Variants in ANKS1B observed in about 807,000 individuals in gnomAD.
ANKS1B encodes ankyrin repeat and sterile alpha motif domain containing 1B, also known as ankyrin repeat and sterile alpha motif domain-containing protein 1B.
In ANKS1B, 36 loss-of-function variants were observed where a neutral mutation model predicts 148.3. The ratio of observed to expected loss-of-function variants is 0.24; its 90% CI spans 0.19 to 0.32. The LOEUF (loss-of-function observed/expected upper bound fraction) is 0.32, where lower values mean the gene tolerates loss of function less well. Among genes scored for constraint, ANKS1B ranks in the 10% least tolerant of loss-of-function variants. The pLI, the probability that ANKS1B is intolerant of heterozygous loss-of-function variation, is 1.00. For synonymous variants in ANKS1B, 542 were observed against 560.8 expected, an observed-to-expected ratio of 0.97 and a Z score of 0.47; for missense variants, 1,157 against 1,542.6, an observed-to-expected ratio of 0.75 and a Z score of 4.19.
At chr12:99,438,281 T>C (rs1190151394) in intron 11 of ANKS1B, among the ~76,000 whole-genome samples, 1 of 151,902 alleles carries the variant, frequency 6.6e-6, no homozygotes, top group Non-Finnish European at 1.5e-5. Context: ...AATATAATTA[T>C]CCTCCTTTAG....
chr12:98,899,920 C>T (rs1242343526), intron 17 of ANKS1B, among the ~76,000 whole-genome samples: 3 of 152,174 alleles, frequency 2.0e-5, no homozygotes, highest in Non-Finnish European at 4.4e-5. Flanking sequence ...TAGATAGATA[C>T]TTATTGTCTC....
rs753805758 is a variant in ANKS1B, at chr12:99,002,553, A to G, written c.2778+50604T>C. ...GCCATCCTAATAGATGTGAGGTGAT[A>G]TCTCATTGTGGTTTTGATTTACAGT... On this transcript the variant is annotated intron_variant, in intron 17 of 26. Coordinates refer to ENST00000683438, the MANE Select transcript of ANKS1B (RefSeq NM_001352186.2). 1.3e-4 allele frequency among the ~76,000 whole-genome samples: 19 copies of G among 150,480 alleles called. 1 individual carries two copies. Among genetic ancestry groups the G allele is most frequent in the Non-Finnish European group, 2.8e-4 (19 of 67,874 alleles).
chr12:98,858,636 A>G (rs2099583869), intron 17 of ANKS1B, among the ~76,000 whole-genome samples: 1 of 152,186 alleles, frequency 6.6e-6, no homozygotes, highest in Admixed American at 6.5e-5. Flanking sequence ...CACCATGCCC[A>G]GTCTCAAGAG....
chr12:99,517,113 T>C (rs1011555137), intron 9 of ANKS1B, among the ~76,000 whole-genome samples: 2 of 152,156 alleles, frequency 1.3e-5, no homozygotes, highest in African/African-American at 4.8e-5. Flanking sequence ...GTAGTATGGA[T>C]ATTTCAACAA....
chr12:99,674,451 G>A (rs1193260449), intron 8 of ANKS1B, among the ~76,000 whole-genome samples: 1 of 151,750 alleles, frequency 6.6e-6, no homozygotes, highest in Non-Finnish European at 1.5e-5. Flanking sequence ...AGAAAGAAGA[G>A]AAGAGCTAAG....
At chr12:99,752,681 C>T (rs1194408032) in intron 8 of ANKS1B, among the ~76,000 whole-genome samples, 2 of 151,672 alleles carry the variant, frequency 1.3e-5, no homozygotes, top group African/African-American at 2.4e-5. Context: ...TTTATTATTG[C>T]AGTACCCCTT....
intron 15 of ANKS1B, among the ~76,000 whole-genome samples, chr12:99,130,173 C>T (rs887613444): frequency 6.6e-6 from 1 of 152,164 alleles, no homozygotes; most frequent in African/African-American, 2.4e-5. Context: ...CTGATGGTTG[C>T]CATTTGCTTA....
At chr12:99,067,148 G>T (rs2044628248) in intron 16 of ANKS1B, among the ~76,000 whole-genome samples, 1 of 152,178 alleles carries the variant, frequency 6.6e-6, no homozygotes, top group African/African-American at 2.4e-5. Flanking sequence ...AACATTTTTG[G>T]ACATTGAGAA....
At chr12:99,973,104 G>A (rs973094795) in intron 1 of ANKS1B, among the ~76,000 whole-genome samples, 5 of 152,226 alleles carry the variant, frequency 3.3e-5, no homozygotes, top group African/African-American at 1.2e-4. Flanking sequence ...CAGTGCACTA[G>A]TCACACAAGA....
chr12:99,712,059 C>A (rs1390167496), intron 8 of ANKS1B, among the ~76,000 whole-genome samples: 1 of 152,160 alleles, frequency 6.6e-6, no homozygotes, highest in Non-Finnish European at 1.5e-5. Context: ...ATGGCTGGAG[C>A]TGGAGGCCAT....
At chr12:98,790,465 A>AT (rs1402447816) in intron 22 of ANKS1B, among the ~76,000 whole-genome samples, 5 of 152,120 alleles carry the variant, frequency 3.3e-5, no homozygotes, top group African/African-American at 1.2e-4. Context: ...ACATCAACAG[A>AT]TTTTAGCTAT....
At chr12:98,762,524 C>A (rs1290182445) in intron 25 of ANKS1B, among the ~76,000 whole-genome samples, 1 of 152,198 alleles carries the variant, frequency 6.6e-6, no homozygotes, top group Non-Finnish European at 1.5e-5. Flanking sequence ...GCAATCACCC[C>A]TAAATGCTAT....
intron 9 of ANKS1B, among the ~76,000 whole-genome samples, chr12:99,644,399 T>G (rs2098339512): frequency 6.6e-6 from 1 of 152,238 alleles, no homozygotes; most frequent in South Asian, 2.1e-4. Flanking sequence ...CTCACAGTAG[T>G]GACTTTAACA....
At chr12:99,252,663 C>T (rs2074759543) in intron 12 of ANKS1B, among the ~76,000 whole-genome samples, 1 of 152,110 alleles carries the variant, frequency 6.6e-6, no homozygotes, top group South Asian at 2.1e-4. Context: ...CCAGAAATTG[C>T]CATCAGATAC....
At chr12:98,870,939 T>C (rs1241975386) in intron 17 of ANKS1B, among the ~76,000 whole-genome samples, 1 of 152,268 alleles carries the variant, frequency 6.6e-6, no homozygotes. Flanking sequence ...GTCATTCCTC[T>C]GATTATTCAG....
chr12:99,830,631 G>T (rs1367704697), intron 1 of ANKS1B, among the ~76,000 whole-genome samples: 1 of 98,818 alleles, frequency 1.0e-5, no homozygotes. Context: ...GCTGACATCT[G>T]AAAGAAGCAA....
chr12:99,975,526 G>A (rs2095615773), intron 1 of ANKS1B, among the ~76,000 whole-genome samples: 1 of 152,200 alleles, frequency 6.6e-6, no homozygotes, highest in Admixed American at 6.5e-5. Flanking sequence ...ACTAGTGTGA[G>A]ATGCTATCTC....
chr12:98,745,295 G>A lies in ANKS1B; in HGVS notation c.*444C>T. 1 of 985,354 alleles carries A rather than the reference G, an allele frequency of 1.0e-6. No homozygotes were observed. The highest frequency in any genetic ancestry group is 4.7e-5 in the South Asian group (1 of 21,264). The allele number at this position is 985,354 out of a possible 1,614,324, so 61.0% of individuals were successfully genotyped here. A position where few individuals can be genotyped will look rare whatever the true frequency, so the allele number is the denominator to read the frequency against. ...TTTACAGATGCTTTGGAGGTGGGAG[G>A]GGTAGTGCTGCTCTGATTTCACCTT... On this transcript the variant is annotated 3_prime_UTR_variant, in exon 27 of 27. Coordinates refer to ENST00000683438, the MANE Select transcript of ANKS1B (RefSeq NM_001352186.2).
rs373471540 is a variant in ANKS1B at position 99,972,417 on chromosome 12, C to T, written c.134+11687G>A. ...GTGAACACATGAATGATAAGAAAGC[C>T]GAAGAGCCTTATTGCTGATATGGAG... On this transcript the variant is annotated intron_variant, in intron 1 of 26. Transcript: ENST00000683438. Among the ~76,000 whole-genome samples, 9 of 152,184 alleles carry T rather than the reference C, an allele frequency of 5.9e-5. No individual in the cohort carries two copies. The South Asian group carries it at 8.3e-4, about 14-fold the overall frequency.
Sources: gnomAD v4.1 joint callset for allele counts (sites outside exome capture counted in the v4.1 genomes callset) on GRCh38, gnomAD v4.1.1 for gene constraint, MANE v1.5 for transcripts, NCBI Gene and HGNC (gene_info 2026-07-23, HGNC 2026-07-21) for gene names.